Variants in TPD52 observed in about 807,000 individuals in gnomAD.
TPD52 encodes prostate and colon associated protein.
Under a neutral mutation model 31.3 loss-of-function variants are expected in TPD52, and 17 were observed. The ratio of observed to expected loss-of-function variants is 0.54; its 90% CI spans 0.37 to 0.82. TPD52 has a LOEUF of 0.82. TPD52 is among the 40% of genes least tolerant of loss of function. The pLI is 0.00. For synonymous variants in TPD52, 83 were observed against 89.6 expected, an observed-to-expected ratio of 0.93 and a Z score of 0.42; for missense variants, 212 against 240.1, an observed-to-expected ratio of 0.88 and a Z score of 0.77.
chr8:80,119,956 G>T, intron 1 of TPD52: 1 of 286,548 alleles, frequency 3.5e-6, no homozygotes, highest in South Asian at 3.1e-5. Flanking sequence ...AATAATTTGG[G>T]TACTGATGGG....
intron 2 of TPD52, among the ~76,000 whole-genome samples, chr8:80,059,591 C>T (rs746075916): frequency 3.9e-5 from 6 of 152,176 alleles, no homozygotes; most frequent in Non-Finnish European, 5.9e-5. Flanking sequence ...CAGTGGCTCA[C>T]GCCTGTAATC....
intron 1 of TPD52, among the ~76,000 whole-genome samples, chr8:80,142,017 G>C (rs1809865663): frequency 8.2e-6 from 1 of 122,388 alleles, no homozygotes; most frequent in Admixed American, 8.5e-5. Context: ...TCTTCATCTG[G>C]AATGTTCTTC....
At chr8:80,163,114 C>T (rs1811471539) in intron 1 of TPD52, among the ~76,000 whole-genome samples, 1 of 152,156 alleles carries the variant, frequency 6.6e-6, no homozygotes, top group South Asian at 2.1e-4. Flanking sequence ...CCAGCAATCC[C>T]ATCTCTGAGT....
chr8:80,031,277 T>C (rs1417548843), downstream of TPD52, among the ~76,000 whole-genome samples: 1 of 152,134 alleles, frequency 6.6e-6, no homozygotes, highest in Non-Finnish European at 1.5e-5. Flanking sequence ...TTTCTGATGC[T>C]CTCTAATGGT....
intron 1 of TPD52, among the ~76,000 whole-genome samples, chr8:80,072,314 T>TAC (rs1813902936): frequency 1.5e-5 from 2 of 129,238 alleles, no homozygotes; most frequent in Non-Finnish European, 3.1e-5. Context: ...CTAAAAAACA[T>TAC]ATATGTGTGT....
chr8:80,048,099 T>G (rs1489846083), intron 5 of TPD52, among the ~76,000 whole-genome samples: 2 of 152,170 alleles, frequency 1.3e-5, no homozygotes, highest in Non-Finnish European at 2.9e-5. Flanking sequence ...GCATATCACC[T>G]GAGGGAAAAG....
intron 1 of TPD52, among the ~76,000 whole-genome samples, chr8:80,087,589 CG>C (rs1216849056): frequency 6.6e-6 from 1 of 152,218 alleles, no homozygotes; most frequent in African/African-American, 2.4e-5. Flanking sequence ...ACAGCAATCA[CG>C]GGGGCAGGGC....
chr8:80,171,189 C>T (rs1298152398), intron 1 of TPD52: 2 of 701,506 alleles, frequency 2.9e-6, no homozygotes, highest in Non-Finnish European at 5.2e-6. Context: ...TCCCTCTCCC[C>T]CACACACGCA....
chr8:80,126,441 G>A (rs1405260859), intron 1 of TPD52, among the ~76,000 whole-genome samples: 1 of 146,586 alleles, frequency 6.8e-6, no homozygotes, highest in African/African-American at 2.5e-5. Context: ...GACTGAAACA[G>A]TAAACAATGC....
chr8:80,058,203 TAAAA>T, intron 2 of TPD52, among the ~76,000 whole-genome samples: 1 of 152,316 alleles, frequency 6.6e-6, no homozygotes, highest in East Asian at 1.9e-4. Context: ...TATATACTCT[TAAAA>T]ACCATTAGAC....
chr8:80,095,045 C>T (rs1028313698), intron 1 of TPD52, among the ~76,000 whole-genome samples: 3 of 152,084 alleles, frequency 2.0e-5, no homozygotes, highest in Admixed American at 6.5e-5. Flanking sequence ...GAGCTGAAAA[C>T]TTATGACCAC....
chr8:80,044,079 T>A (rs2130423688), intron 6 of TPD52, 88 bp downstream of exon 6: 10 of 1,131,674 alleles, frequency 8.8e-6, no homozygotes, highest in Non-Finnish European at 1.3e-5. Context: ...GAATTCTAGT[T>A]CCCTAATTCA....
At chr8:80,039,377 G>T (rs945525002) in intron 7 of TPD52, among the ~76,000 whole-genome samples, 1 of 151,828 alleles carries the variant, frequency 6.6e-6, no homozygotes, top group African/African-American at 2.4e-5. Flanking sequence ...GACACCTGGG[G>T]TTGTCCTGGA....
At chr8:80,168,028 C>T (rs964114933) in intron 1 of TPD52, among the ~76,000 whole-genome samples, 1 of 152,212 alleles carries the variant, frequency 6.6e-6, no homozygotes, top group African/African-American at 2.4e-5. Flanking sequence ...GGAAATACCA[C>T]ACACAGTAAA....
intron 1 of TPD52, among the ~76,000 whole-genome samples, chr8:80,138,250 C>A (rs567451635): frequency 6.6e-6 from 1 of 152,220 alleles, no homozygotes; most frequent in African/African-American, 2.4e-5. Flanking sequence ...ACCATGAGAC[C>A]CTGTCTCTAA....
intron 1 of TPD52, among the ~76,000 whole-genome samples, chr8:80,150,358 C>T (rs1458870162): frequency 3.3e-5 from 5 of 152,194 alleles, no homozygotes; most frequent in Non-Finnish European, 7.3e-5. Context: ...AGAACCTCTG[C>T]TAGGGCAGTG....
chr8:80,140,602 G>A (rs1268258298), intron 1 of TPD52, among the ~76,000 whole-genome samples: 1 of 152,124 alleles, frequency 6.6e-6, no homozygotes, highest in African/African-American at 2.4e-5. Flanking sequence ...AACACCCAGA[G>A]TGCAGGACAC....
rs1472672104 is a variant in TPD52, at chr8:80,035,047, T to C, written c.*3069A>G. The stretch of plus-strand genomic sequence containing the variant: ...CAGGTTTACTTAAAAGTGATAATGG[T>C]TTATATTAACTGTGGCCCACACAGG... On this transcript the variant is annotated 3_prime_UTR_variant, in exon 8 of 8. Coordinates refer to ENST00000518937, the MANE Select transcript of TPD52 (RefSeq NM_001025253.3). 3 of 152,192 alleles carry C rather than the reference T, an allele frequency of 2.0e-5. No individual in the cohort carries two copies. The highest frequency in any genetic ancestry group is 2.0e-4 in the Admixed American group (3 of 15,284). The allele number at this position is 152,192 out of a possible 1,614,324, so 9.4% of individuals were successfully genotyped here.
At chr8:80,086,400 A>G (rs1815773173) in intron 1 of TPD52, among the ~76,000 whole-genome samples, 1 of 151,250 alleles carries the variant, frequency 6.6e-6, no homozygotes, top group South Asian at 2.1e-4. Flanking sequence ...TACAGGTGTG[A>G]GCCACCGAGC....
Sources: gnomAD v4.1 joint callset for allele counts (sites outside exome capture counted in the v4.1 genomes callset) on GRCh38, gnomAD v4.1.1 for gene constraint, MANE v1.5 for transcripts, NCBI Gene and HGNC (gene_info 2026-07-23, HGNC 2026-07-21) for gene names.